PCDH11X: variants seen among roughly 807,000 people sequenced by gnomAD.
PCDH11X encodes the protein protocadherin 11 X-linked, also known as protocadherin-11 X-linked.
Under a neutral mutation model 53.3 loss-of-function variants are expected in PCDH11X, and 18 were observed. The ratio of observed to expected loss-of-function variants is 0.34; its 90% CI spans 0.23 to 0.50. The LOEUF is 0.50. PCDH11X is among the 20% of genes least tolerant of loss of function. The probability of loss-of-function intolerance (pLI) is 0.98; values close to 1 mark genes in which losing one functional copy is unlikely to be tolerated. For synonymous variants in PCDH11X, 279 were observed against 393.3 expected (o/e 0.71, Z 3.44); for missense variants, 570 against 1,032.4 (o/e 0.55, Z 6.14).
intron 8 of PCDH11X, among the ~76,000 whole-genome samples, chrX:92,267,683 T>C (rs926172422): frequency 3.5e-5 from 4 of 112,877 alleles, no homozygotes; most frequent in African/African-American, 9.6e-5. Context: ...GAATTTTGAA[T>C]GCAGAATGGC....
At chrX:92,352,114 A>G (rs141714735) in intron 8 of PCDH11X, among the ~76,000 whole-genome samples, 1,130 of 111,830 alleles carry the variant, frequency 0.01, 14 homozygotes, top group African/African-American at 0.032. Context: ...AATTGTTAAT[A>G]TTGAAGATGC....
At chrX:92,568,981 T>G (rs2148771321) in intron 10 of PCDH11X, among the ~76,000 whole-genome samples, 1 of 112,160 alleles carries the variant, frequency 8.9e-6, no homozygotes, top group African/African-American at 3.2e-5. Flanking sequence ...TCAAAGATAA[T>G]GGAACCTTTC....
chrX:91,999,878 G>A (rs753281729), intron 6 of PCDH11X, among the ~76,000 whole-genome samples: 2 of 111,715 alleles, frequency 1.8e-5, no homozygotes, highest in South Asian at 7.4e-4. Context: ...ATGGCTTGCA[G>A]CAGTTCAGAG....
At chrX:91,822,427 A>C (rs1936725340) in intron 4 of PCDH11X, among the ~76,000 whole-genome samples, 1 of 110,298 alleles carries the variant, frequency 9.1e-6, no homozygotes, top group Non-Finnish European at 1.9e-5. Context: ...CAAGGAATTT[A>C]TCCATTTCTT....
intron 6 of PCDH11X, among the ~76,000 whole-genome samples, chrX:92,022,267 A>C (rs1486729409): frequency 1.8e-5 from 2 of 108,824 alleles, no homozygotes; most frequent in African/African-American, 6.7e-5. Context: ...TGCTGTATTC[A>C]GGAGACCCAT....
At chrX:92,468,102 A>G (rs1287868549) in intron 9 of PCDH11X, 197 bp from the exon 10 acceptor site, 5 of 356,284 alleles carry the variant, frequency 1.4e-5, no homozygotes, top group Non-Finnish European at 1.8e-5. Context: ...GTCCAATTCT[A>G]TAAAAATGTA....
At chrX:92,547,324 G>A (rs1318131606) in intron 10 of PCDH11X, among the ~76,000 whole-genome samples, 1 of 101,881 alleles carries the variant, frequency 9.8e-6, no homozygotes. Context: ...AAAAGGAAAC[G>A]GTTATAAAAT....
At chrX:92,532,344 A>C (rs2074573038) in intron 10 of PCDH11X, among the ~76,000 whole-genome samples, 1 of 111,299 alleles carries the variant, frequency 9.0e-6, no homozygotes, top group Non-Finnish European at 1.9e-5. Flanking sequence ...TTCTTAAAGA[A>C]AATTTTCTTT....
intron 7 of PCDH11X, among the ~76,000 whole-genome samples, chrX:92,257,435 G>C (rs926000799): frequency 9.0e-6 from 1 of 111,508 alleles, no homozygotes; most frequent in African/African-American, 3.3e-5. Context: ...CAGTCCCCCA[G>C]TGTCTTAATT....
At chrX:92,132,958 G>A (rs1428625028) in intron 6 of PCDH11X, among the ~76,000 whole-genome samples, 3 of 110,135 alleles carry the variant, frequency 2.7e-5, no homozygotes, top group Non-Finnish European at 5.7e-5. Flanking sequence ...CATCAAGGAA[G>A]TACATGTTTA....
At chrX:92,251,360 A>G (rs976914561) in intron 7 of PCDH11X, among the ~76,000 whole-genome samples, 1 of 111,290 alleles carries the variant, frequency 9.0e-6, no homozygotes, top group Non-Finnish European at 1.9e-5. Context: ...ATAAATATTT[A>G]TTGCAGGTAT....
chrX:92,438,087 A>G (rs1033873589), intron 9 of PCDH11X, among the ~76,000 whole-genome samples: 1 of 111,596 alleles, frequency 9.0e-6, no homozygotes, highest in Non-Finnish European at 1.9e-5. Context: ...GTCTATAGAA[A>G]TTTGATGTTG....
intron 6 of PCDH11X, among the ~76,000 whole-genome samples, chrX:92,127,164 G>A (rs1220083880): frequency 2.7e-5 from 3 of 110,564 alleles, no homozygotes. Flanking sequence ...TCATTGCCAA[G>A]CCCCTATGTA....
chrX:92,270,734 T>A (rs943858229), intron 8 of PCDH11X, among the ~76,000 whole-genome samples: 1 of 111,931 alleles, frequency 8.9e-6, no homozygotes, highest in African/African-American at 3.3e-5. Context: ...ATTCTCAAAC[T>A]CAGTAAATCA....
At chrX:91,819,874 A>C (rs1402936055) in intron 4 of PCDH11X, among the ~76,000 whole-genome samples, 1 of 90,313 alleles carries the variant, frequency 1.1e-5, no homozygotes, top group Non-Finnish European at 2.1e-5. Context: ...TCCTGTGTCC[A>C]TGTGATCTCA....
chrX:92,291,815 A>G (rs1321181801), intron 8 of PCDH11X, among the ~76,000 whole-genome samples: 1 of 109,918 alleles, frequency 9.1e-6, no homozygotes. Context: ...AATACTTTCA[A>G]ATCATGACTT....
rs1297840039 is a variant in PCDH11X at position 91,878,570 on chromosome X, C to T, written c.2330C>T (p.Thr777Ile). 5.0e-6 allele frequency: 6 copies of T among 1,209,262 alleles called. No homozygotes were observed. The highest frequency in any genetic ancestry group is 1.8e-5 in the African/African-American group (1 of 56,924). ...AATCTGTTCGTGAATGAGTCGGTGA[C>T]CAATGCTACACTGATTAATGAACTG... is the stretch of plus-strand genomic sequence containing the variant. ...IVNLFVNESV[T>I]NATLINELVR... The change falls in exon 6 of 11, where the codon ACC becomes ATC. Residue 777 changes from threonine (T) to isoleucine (I), a missense_variant. Transcript: ENST00000682573.
At chrX:92,574,607 T>G (rs756600873) in intron 10 of PCDH11X, among the ~76,000 whole-genome samples, 92 of 111,554 alleles carry the variant, frequency 8.2e-4, no homozygotes, top group Non-Finnish European at 1.3e-3. Flanking sequence ...TCAGTTAATT[T>G]TCAATTATTG....
intron 4 of PCDH11X, among the ~76,000 whole-genome samples, chrX:91,832,602 C>T (rs1937151751): frequency 1.9e-5 from 2 of 105,672 alleles, no homozygotes; most frequent in African/African-American, 6.9e-5. Flanking sequence ...ATGTAACAAA[C>T]CTGCATGTTG....
Sources: gnomAD v4.1 joint callset for allele counts (sites outside exome capture counted in the v4.1 genomes callset) on GRCh38, gnomAD v4.1.1 for gene constraint, MANE v1.5 for transcripts, NCBI Gene and HGNC (gene_info 2026-07-23, HGNC 2026-07-21) for gene names.